Variants in SCAMP5 observed in about 807,000 individuals in gnomAD.
SCAMP5 encodes the protein secretory carrier-associated membrane protein 5.
SCAMP5 carries 7 observed loss-of-function variants against 28.3 expected under a neutral mutation model. The ratio of observed to expected loss-of-function variants is 0.25; its 90% CI spans 0.14 to 0.46. The LOEUF (loss-of-function observed/expected upper bound fraction) is 0.46, where lower values mean the gene tolerates loss of function less well. SCAMP5 is among the 20% of genes least tolerant of loss of function. The pLI is 0.99. For missense variants in SCAMP5, 192 were observed against 312.5 expected (o/e 0.61, Z 2.91); for synonymous variants, 117 against 116.4 (o/e 1.00, Z -0.03).
chr15:75,010,457 G>C (rs2065800975), intron 1 of SCAMP5, among the ~76,000 whole-genome samples: 1 of 152,102 alleles, frequency 6.6e-6, no homozygotes, highest in South Asian at 2.1e-4. Flanking sequence ...AGCACATCCT[G>C]CCCACCTTGC....
chr15:74,997,032 C>T (rs1242386386), intron 1 of SCAMP5, among the ~76,000 whole-genome samples: 1 of 152,102 alleles, frequency 6.6e-6, no homozygotes, highest in Non-Finnish European at 1.5e-5. Context: ...CAAGCAAGTT[C>T]CCCAAGTCAC....
At chr15:75,009,612 G>C (rs906886969) in intron 1 of SCAMP5, among the ~76,000 whole-genome samples, 1 of 152,044 alleles carries the variant, frequency 6.6e-6, no homozygotes. Context: ...GAGGAACTGG[G>C]ACTACAGGCA....
Position 75,019,084 on chromosome 15 carries a change from TTCTCCTTCCCTACTTTGTAC to T in SCAMP5, c.*102_*121del, listed in dbSNP as rs2065884460. ...ACCAAGCAGGGTTCCCCCTTCCCTT[TTCTCCTTCCCTACTTTGTAC>T]AAAGGACCAGAGTTATATATATATA... On this transcript the variant is annotated 3_prime_UTR_variant, in exon 7 of 7. Coordinates refer to ENST00000425597, the MANE Select transcript of SCAMP5 (RefSeq NM_138967.4). 1 of 711,176 alleles carries T rather than the reference TTCTCCTTCCCTACTTTGTAC, an allele frequency of 1.4e-6. No homozygotes were observed. 44.1% of individuals were successfully genotyped at this position (711,176 alleles called of 1,614,324 possible). A position where few individuals can be genotyped will look rare whatever the true frequency, so the allele number is the denominator to read the frequency against.
In SCAMP5 at chr15:75,019,026, CA is replaced by C. The variant is rs2065883863; in HGVS notation, c.*44del. 1 of 1,365,648 alleles carries C rather than the reference CA, an allele frequency of 7.3e-7. No individual in the cohort carries two copies. The highest frequency in any genetic ancestry group is 9.8e-7 in the Non-Finnish European group (1 of 1,017,578). 84.6% of individuals were successfully genotyped at this position (1,365,648 alleles called of 1,614,324 possible). On this transcript the variant is annotated 3_prime_UTR_variant, in exon 7 of 7. Coordinates refer to ENST00000425597, the MANE Select transcript of SCAMP5 (RefSeq NM_138967.4). ...GGTGGCAGAGCTGGGGCCATTGGGA[CA>C]GGGGGCTCAAGCCACATCGTCATTT...
chr15:75,014,543 GT>G (rs2141451083), intron 3 of SCAMP5, among the ~76,000 whole-genome samples: 1 of 152,232 alleles, frequency 6.6e-6, no homozygotes, highest in African/African-American at 2.4e-5. Context: ...TGAATTTACA[GT>G]CTTCCTCATG....
chr15:75,005,130 G>A (rs1472929150), intron 1 of SCAMP5, among the ~76,000 whole-genome samples: 6 of 151,168 alleles, frequency 4.0e-5, no homozygotes, highest in Admixed American at 3.3e-4. Flanking sequence ...AGCCGAGATC[G>A]TGCCACTGCA....
At position 74,998,959 on chromosome 15, in the gene SCAMP5, G is replaced by C. The variant is rs1030827040; in HGVS notation, c.-49+3286G>C. 1.6e-4 allele frequency among the ~76,000 whole-genome samples: 25 copies of C among 152,148 alleles called. 1 individual carries two copies. The highest frequency in any genetic ancestry group is 6.0e-4 in the African/African-American group (25 of 41,428). ...GTTAGGGAGAAGACTCCTCCTTTGAGGCCCCTATGTTCTAGTTGTTTTCTC... is the reference window on the plus strand; with the variant it reads ...GTTAGGGAGAAGACTCCTCCTTTGACGCCCCTATGTTCTAGTTGTTTTCTC... On this transcript the variant is annotated intron_variant, in intron 1 of 6. Coordinates refer to ENST00000425597, the MANE Select transcript of SCAMP5 (RefSeq NM_138967.4).
rs71434247 is a variant in SCAMP5 at position 75,019,117 on chromosome 15, TTATA to T, written c.*148_*151del. The T allele has an allele frequency of 5.0e-5, 24 of 484,440 alleles. No homozygotes were observed. The highest frequency in any genetic ancestry group is 4.3e-5 in the Non-Finnish European group (12 of 277,696). The allele number at this position is 484,440 out of a possible 1,614,324, so 30.0% of individuals were successfully genotyped here. On this transcript the variant is annotated 3_prime_UTR_variant, in exon 7 of 7. Coordinates refer to ENST00000425597, the MANE Select transcript of SCAMP5 (RefSeq NM_138967.4). ...CCCTACTTTGTACAAAGGACCAGAGTTATATATATATATATATGTATATGTCTGT... is the reference window on the plus strand; with the variant it reads ...CCCTACTTTGTACAAAGGACCAGAGTTATATATATATATGTATATGTCTGT...
At chr15:75,014,652 T>C (rs2065843625) in intron 3 of SCAMP5, among the ~76,000 whole-genome samples, 1 of 151,802 alleles carries the variant, frequency 6.6e-6, no homozygotes, top group Non-Finnish European at 1.5e-5. Flanking sequence ...GGGGAGGGAA[T>C]AAGAAAATGA....
chr15:75,012,334 C>G (rs150980534), intron 2 of SCAMP5, among the ~76,000 whole-genome samples: 2 of 152,230 alleles, frequency 1.3e-5, no homozygotes, highest in African/African-American at 2.4e-5. Context: ...CTGGAACCCA[C>G]GTCTGTAGAT....
chr15:75,010,781 G>GAA (rs60018418), intron 1 of SCAMP5, among the ~76,000 whole-genome samples: 1 of 145,184 alleles, frequency 6.9e-6, no homozygotes, highest in African/African-American at 2.5e-5. Context: ...CCCTGTCTAA[G>GAA]AAAAAAAAAA....
chr15:75,009,442 TG>T (rs1209546375), intron 1 of SCAMP5, among the ~76,000 whole-genome samples: 2 of 5,070 alleles, frequency 3.9e-4, no homozygotes, highest in Non-Finnish European at 7.8e-4. Flanking sequence ...GCTAGAAGTT[TG>T]TGTGTGTGTG....
At chr15:75,010,416 C>T (rs970842711) in intron 1 of SCAMP5, among the ~76,000 whole-genome samples, 1 of 152,144 alleles carries the variant, frequency 6.6e-6, no homozygotes, top group Non-Finnish European at 1.5e-5. Context: ...AACCAAGACC[C>T]CTTCAAACTT....
In SCAMP5 at chr15:75,006,898, T is replaced by C. The variant is rs1329052434; in HGVS notation, c.-48-4894T>C. Among the ~76,000 whole-genome samples, 3 of 152,008 alleles carry C rather than the reference T, an allele frequency of 2.0e-5. No individual in the cohort carries two copies. In the East Asian group the frequency reaches 5.8e-4, roughly 29 times the overall value. On this transcript the variant is annotated intron_variant, in intron 1 of 6. Coordinates refer to ENST00000425597, the MANE Select transcript of SCAMP5 (RefSeq NM_138967.4). ...CGGAGGTTGCAGTGAGCTGAGATCA[T>C]GCTGCTGCACTCCAGCCTGGGCAAC...
In SCAMP5 at chr15:75,018,373, C is replaced by A; in HGVS notation, c.396-45C>A. The A allele has an allele frequency of 8.1e-7, 1 of 1,229,560 alleles. No homozygotes were observed. The allele number at this position is 1,229,560 out of a possible 1,614,324, so 76.2% of individuals were successfully genotyped here. A position where few individuals can be genotyped will look rare whatever the true frequency, so the allele number is the denominator to read the frequency against. ...CTTCCTCTAGCGGGGGGCTCCTGGGCACCTCTTATCCTGCCCGCAGCCCCA... is the reference window on the plus strand; with the variant it reads ...CTTCCTCTAGCGGGGGGCTCCTGGGAACCTCTTATCCTGCCCGCAGCCCCA... On this transcript the variant is annotated intron_variant, in intron 5 of 6. Transcript: ENST00000425597. This position sits in a 1 kb window ranked among gnomAD's most constrained non-coding sequence, Gnocchi z 5.6.
Position 75,018,246 on chromosome 15 carries a change from A to T in SCAMP5, c.396-172A>T, listed in dbSNP as rs2065875378. On this transcript the variant is annotated intron_variant, in intron 5 of 6. Transcript: ENST00000425597. This position sits in a 1 kb window ranked among gnomAD's most constrained non-coding sequence, Gnocchi z 5.6. ...TGAAGAGCACCTCTGAGCCACAGGG[A>T]TGGGGTCTTCTTGAGCCACTGGCAC... 2 of 637,670 alleles carry T rather than the reference A, an allele frequency of 3.1e-6. No homozygotes were observed. The highest frequency in any genetic ancestry group is 2.8e-6 in the Non-Finnish European group (1 of 353,728). The allele number at this position is 637,670 out of a possible 1,614,324, so 39.5% of individuals were successfully genotyped here.
intron 1 of SCAMP5, among the ~76,000 whole-genome samples, chr15:75,008,640 C>T (rs1424588469): frequency 6.6e-6 from 1 of 152,004 alleles, no homozygotes; most frequent in Non-Finnish European, 1.5e-5. Flanking sequence ...GTTGGGATTA[C>T]AGGCTTATGC....
chr15:75,019,122 T>TAG lies in SCAMP5; in HGVS notation c.*140_*141insGA. Reference sequence around the variant, plus strand: ...CTTTGTACAAAGGACCAGAGTTATATATATATATATATGTATATGTCTGTA... The same window carrying TAG: ...CTTTGTACAAAGGACCAGAGTTATATAGATATATATATATGTATATGTCTGTA... On this transcript the variant is annotated 3_prime_UTR_variant, in exon 7 of 7. Transcript: ENST00000425597. 2.0e-6 allele frequency: 1 copy of TAG among 499,820 alleles called. No individual in the cohort carries two copies. The highest frequency in any genetic ancestry group is 3.5e-6 in the Non-Finnish European group (1 of 286,666). 31.0% of individuals were successfully genotyped at this position (499,820 alleles called of 1,614,324 possible). A position where few individuals can be genotyped will look rare whatever the true frequency, so the allele number is the denominator to read the frequency against.
In SCAMP5 at chr15:75,021,351, C is replaced by T. The variant is rs2065902445; in HGVS notation, c.*2368C>T. 1 of 152,224 alleles carries T rather than the reference C, an allele frequency of 6.6e-6. No homozygotes were observed. The highest frequency in any genetic ancestry group is 1.5e-5 in the Non-Finnish European group (1 of 68,094). 9.4% of individuals were successfully genotyped at this position (152,224 alleles called of 1,614,324 possible). Reference sequence around the variant, plus strand: ...CAGGTCAGTTCTGGGGTCCCAGTGACCTGCTTTGCCATTCTCCTGGTGCCG... The same window carrying T: ...CAGGTCAGTTCTGGGGTCCCAGTGATCTGCTTTGCCATTCTCCTGGTGCCG... On this transcript the variant is annotated 3_prime_UTR_variant, in exon 7 of 7. Coordinates refer to ENST00000425597, the MANE Select transcript of SCAMP5 (RefSeq NM_138967.4).
Sources: gnomAD v4.1 joint callset for allele counts (sites outside exome capture counted in the v4.1 genomes callset) on GRCh38, gnomAD v4.1.1 for gene constraint, Gnocchi (gnomAD v3.1) non-coding constraint, MANE v1.5 for transcripts, NCBI Gene and HGNC (gene_info 2026-07-23, HGNC 2026-07-21) for gene names.